The following NUTM1 variants were observed in gnomAD, a reference collection of about 807,000 sequenced individuals.
NUTM1 encodes NUT family member 1.
In NUTM1, 39 loss-of-function variants were observed where a neutral mutation model predicts 88.7. The ratio of observed to expected loss-of-function variants is 0.44; its 90% CI spans 0.34 to 0.57. The LOEUF (loss-of-function observed/expected upper bound fraction) is 0.57, where lower values mean the gene tolerates loss of function less well. NUTM1 is among the 20% of genes least tolerant of loss of function. The pLI is 0.01. For synonymous variants in NUTM1, 494 were observed against 538.0 expected (o/e 0.92, Z 1.13); for missense variants, 1,350 against 1,414.5 (o/e 0.95, Z 0.73).
Position 34,357,149 on chromosome 15 carries a change from C to T in NUTM1, c.3141C>T (p.Asn1047=). The T allele has an allele frequency of 6.2e-7, 1 of 1,614,196 alleles. No homozygotes were observed. Among genetic ancestry groups the T allele is most frequent in the South Asian group, 1.1e-5 (1 of 91,086 alleles). The change falls in exon 8 of 8, where the codon AAC becomes AAT. Residue 1047 remains asparagine (N), a synonymous_variant. Transcript: ENST00000537011. The part of the protein sequence containing the change: ...EAEEEDEELS[N]FAYLLASKLS... ...AGGAAGAGGATGAGGAACTCTCCAA[C>T]TTTGCTTACCTCTTGGCCTCTAAAC... is the stretch of plus-strand genomic sequence containing the variant.
chr15:34,351,212 A>G (rs983404003), intron 4 of NUTM1, among the ~76,000 whole-genome samples: 2 of 106,008 alleles, frequency 1.9e-5, no homozygotes, highest in African/African-American at 7.3e-5. Context: ...TGGGTGACAG[A>G]GCAAGACTCC....
rs958288740 is a variant in NUTM1, at chr15:34,356,436, G to A, written c.2428G>A (p.Glu810Lys). 6.2e-7 allele frequency: 1 copy of A among 1,611,068 alleles called. No individual in the cohort carries two copies. Among genetic ancestry groups the A allele is most frequent in the African/African-American group, 1.3e-5 (1 of 74,812 alleles). Residue 810 changes from glutamate to lysine, a missense_variant, in exon 8 of 8, where the codon GAG becomes AAG. Coordinates refer to ENST00000537011, the MANE Select transcript of NUTM1 (RefSeq NM_001284292.2). ...AGAAACCCTAGTACCTGGGGATACG[G>A]AGAGCAGTGTGATTCCCTGTGGAGG... ...PGETLVPGDT[E>K]SSVIPCGGTV... is the part of the protein sequence containing the mutation.
At chr15:34,344,744 A>G (rs1463729746) in intron 1 of NUTM1, among the ~76,000 whole-genome samples, 1 of 151,954 alleles carries the variant, frequency 6.6e-6, no homozygotes, top group Non-Finnish European at 1.5e-5. Flanking sequence ...AAGGCCGGGC[A>G]CGGTGGCTCA....
chr15:34,347,277 A>G (rs997147769), intron 2 of NUTM1, among the ~76,000 whole-genome samples: 2 of 138,052 alleles, frequency 1.4e-5, no homozygotes, highest in African/African-American at 2.6e-5. Context: ...TTTTTTTTTG[A>G]GACAGAGTTT....
At chr15:34,353,298 G>A (rs143771094) in intron 4 of NUTM1, among the ~76,000 whole-genome samples, 11 of 152,180 alleles carry the variant, frequency 7.2e-5, no homozygotes, top group East Asian at 5.8e-4. Context: ...GAGCTCAAGC[G>A]ATCCTCCCAC....
At chr15:34,354,854 T>C in intron 6 of NUTM1, 122 bp downstream of exon 6, 1 of 1,069,240 alleles carries the variant, frequency 9.4e-7, no homozygotes, top group South Asian at 1.3e-5. Flanking sequence ...CTGAGTAATG[T>C]GTGTGCATGC....
In NUTM1 at chr15:34,348,245, C is replaced by T. The variant is rs761012005; in HGVS notation, c.377C>T (p.Ser126Leu). 6.2e-7 allele frequency: 1 copy of T among 1,614,250 alleles called. No individual in the cohort carries two copies. The highest frequency in any genetic ancestry group is 1.1e-5 in the South Asian group (1 of 91,082). ...VIVKVKTEGG[S>L]AEPSQTQNFI... is the part of the protein sequence containing the mutation. ...GTCAAAGTCAAGACAGAAGGGGGGTCAGCTGAGCCCTCTCAAACTCAGAAC... is the reference window on the plus strand; with the variant it reads ...GTCAAAGTCAAGACAGAAGGGGGGTTAGCTGAGCCCTCTCAAACTCAGAAC... The change falls in exon 3 of 8, where the codon TCA (serine) becomes TTA (leucine). Residue 126 changes from serine (S) to leucine (L), a missense_variant. Transcript: ENST00000537011.
rs1890528561 is a variant in NUTM1 at position 34,343,685 on chromosome 15, G to T, written c.-12G>T. On this transcript the variant is annotated 5_prime_UTR_variant, in exon 1 of 8. Coordinates refer to ENST00000537011, the MANE Select transcript of NUTM1 (RefSeq NM_001284292.2). ...AAGTTAGGTCCCTACCGCAAATTCA[G>T]CGCTCTTTCTTATGGTGGTGAGTAG... 1 of 1,533,966 alleles carries T rather than the reference G, an allele frequency of 6.5e-7. No individual in the cohort carries two copies. The highest frequency in any genetic ancestry group is 8.7e-7 in the Non-Finnish European group (1 of 1,145,492).
chr15:34,355,183 T>A lies in NUTM1; in HGVS notation c.1479+46T>A, dbSNP rs1452907209. 3.2e-6 allele frequency: 4 copies of A among 1,256,262 alleles called. No individual in the cohort carries two copies. The highest frequency in any genetic ancestry group is 4.7e-6 in the Non-Finnish European group (4 of 854,996). 77.8% of individuals were successfully genotyped at this position (1,256,262 alleles called of 1,614,324 possible). On this transcript the variant is annotated intron_variant, in intron 7 of 7. Transcript: ENST00000537011. This position sits in a 1 kb window ranked among gnomAD's most constrained non-coding sequence, Gnocchi z 4.3. ...ATATGAGAACGAGAAGCTTGCAAGA[T>A]TTTATCTAACCCTACACTGTCGTGG...
At chr15:34,354,374 G>A (rs1890760326) in intron 5 of NUTM1, 72 bp from the exon 6 acceptor site, 6 of 1,480,062 alleles carry the variant, frequency 4.1e-6, no homozygotes, top group Non-Finnish European at 5.6e-6. Flanking sequence ...TTACCTTAGT[G>A]TACATTCCGA....
At chr15:34,353,933 A>T (rs1432326140) in intron 5 of NUTM1, 61 bp downstream of exon 5, 2 of 1,569,754 alleles carry the variant, frequency 1.3e-6, no homozygotes. Flanking sequence ...TGCATACAGA[A>T]GCCAGTCACA....
At position 34,353,734 on chromosome 15, in the gene NUTM1, A is replaced by G. The variant is rs769630844; in HGVS notation, c.939-2A>G. The G allele has an allele frequency of 6.2e-7, 1 of 1,613,952 alleles. No individual in the cohort carries two copies. Among genetic ancestry groups the G allele is most frequent in the Non-Finnish European group, 8.5e-7 (1 of 1,180,010 alleles). On this transcript the variant is annotated splice_acceptor_variant, in intron 4 of 7. Coordinates refer to ENST00000537011, the MANE Select transcript of NUTM1 (RefSeq NM_001284292.2). LOFTEE classifies it high-confidence loss of function. ...TGCCTATGCCTTTCTCACCCTCTGCAGGTTCATGGAGTTTGAGGCTGAGGA... is the reference window on the plus strand; with the variant it reads ...TGCCTATGCCTTTCTCACCCTCTGCGGGTTCATGGAGTTTGAGGCTGAGGA...
Position 34,343,400 on chromosome 15 carries a change from C to A in NUTM1, c.-297C>A. 1.6e-6 allele frequency: 1 copy of A among 618,048 alleles called. No individual in the cohort carries two copies. Among genetic ancestry groups the A allele is most frequent in the Non-Finnish European group, 2.8e-6 (1 of 354,542 alleles). The allele number at this position is 618,048 out of a possible 1,614,324, so 38.3% of individuals were successfully genotyped here. A position where few individuals can be genotyped will look rare whatever the true frequency, so the allele number is the denominator to read the frequency against. On this transcript the variant is annotated 5_prime_UTR_variant, in exon 1 of 8. Coordinates refer to ENST00000537011, the MANE Select transcript of NUTM1 (RefSeq NM_001284292.2). ...GACGTATAGAAGCCTGTCTTTGTCT[C>A]AAGATACACACCCATTTCAGGAGCA... is the stretch of plus-strand genomic sequence containing the variant.
In NUTM1 at chr15:34,356,306, A is replaced by T. The variant is rs755197477; in HGVS notation, c.2298A>T (p.Gln766His). The T allele has an allele frequency of 6.2e-7, 1 of 1,613,806 alleles. No homozygotes were observed. ...CTGTAGGCTTGGAGCTGCCTGTACAAATAGAGGAGGTCATAGAGAGCTTCC... is the reference window on the plus strand; with the variant it reads ...CTGTAGGCTTGGAGCTGCCTGTACATATAGAGGAGGTCATAGAGAGCTTCC... ...MDAVGLELPV[Q>H]IEEVIESFQV... Residue 766 changes from glutamine (Q) to histidine (H), a missense_variant, in exon 8 of 8, where the codon CAA (glutamine) becomes CAT (histidine). By Grantham distance (24) the Gln-to-His change is conservative. Transcript: ENST00000537011.
rs189045779 is a variant in NUTM1, at chr15:34,344,269, T to A, written c.6+567T>A. Among the ~76,000 whole-genome samples the A allele has an allele frequency of 2.2e-3, 335 of 149,024 alleles. 1 individual carries two copies. The highest frequency in any genetic ancestry group is 8.3e-3 in the African/African-American group (333 of 40,354). ...GGCTCACGCCTGTAATCCCAGCACTTTGGGAGGCTGAGACGGGTGGATCAC... is the reference window on the plus strand; with the variant it reads ...GGCTCACGCCTGTAATCCCAGCACTATGGGAGGCTGAGACGGGTGGATCAC... On this transcript the variant is annotated intron_variant, in intron 1 of 7. Transcript: ENST00000537011.
Position 34,355,008 on chromosome 15 carries a change from TTC to T in NUTM1, c.1363-11_1363-10del, listed in dbSNP as rs1470657866. 1.3e-6 allele frequency: 2 copies of T among 1,592,302 alleles called. No homozygotes were observed. Among genetic ancestry groups the T allele is most frequent in the South Asian group, 2.2e-5 (2 of 90,560 alleles). Reference sequence around the variant, plus strand: ...GCTTACAGACTTACATCGCTTTTCCTTCTGTTATCCAGGTGGAGGCTGTCATT... The same window carrying T: ...GCTTACAGACTTACATCGCTTTTCCTTGTTATCCAGGTGGAGGCTGTCATT... On this transcript the variant is annotated splice_polypyrimidine_tract_variant and intron_variant, in intron 6 of 7. Coordinates refer to ENST00000537011, the MANE Select transcript of NUTM1 (RefSeq NM_001284292.2). This position sits in a 1 kb window ranked among gnomAD's most constrained non-coding sequence, Gnocchi z 4.3.
intron 1 of NUTM1, among the ~76,000 whole-genome samples, chr15:34,345,490 C>T (rs1410412182): frequency 6.6e-6 from 1 of 152,128 alleles, no homozygotes; most frequent in Non-Finnish European, 1.5e-5. Context: ...TTCCCTTGAT[C>T]CTTACGTGTA....
At position 34,355,824 on chromosome 15, in the gene NUTM1, C is replaced by T; in HGVS notation, c.1816C>T (p.Pro606Ser). Reference sequence around the variant, plus strand: ...TGCAGCTCCACAGGGAACTCCGGGACCCTTGGGTGTGGAGAGGAGAGGGTC... The same window carrying T: ...TGCAGCTCCACAGGGAACTCCGGGATCCTTGGGTGTGGAGAGGAGAGGGTC... ...ELAAPQGTPG[P>S]LGVERRGSGK... Residue 606 changes from proline (P) to serine (S), a missense_variant, in exon 8 of 8, where the codon CCC becomes TCC. Around this residue, in one of 5 missense-constraint regions of NUTM1, gnomAD observed 730 missense variants for 728.8 expected, o/e 1.00. Transcript: ENST00000537011. The surrounding 1 kb of genome is among the most constrained non-coding windows in gnomAD (Gnocchi z 4.3). 2 of 1,614,132 alleles carry T rather than the reference C, an allele frequency of 1.2e-6. No homozygotes were observed. The highest frequency in any genetic ancestry group is 1.7e-6 in the Non-Finnish European group (2 of 1,180,038).
At chr15:34,348,774 G>T (rs750697307) in intron 3 of NUTM1, 97 bp downstream of exon 3, 3 of 801,182 alleles carry the variant, frequency 3.7e-6, no homozygotes, top group South Asian at 1.7e-5. Context: ...GACTACTTGA[G>T]GGAAGGTCAT....
Sources: allele counts gnomAD v4.1 joint callset (sites outside exome capture counted in the v4.1 genomes callset), GRCh38; gene constraint gnomAD v4.1.1; regional missense constraint gnomAD v4.1.1; non-coding constraint Gnocchi (gnomAD v3.1); transcripts MANE v1.5; gene names NCBI Gene and HGNC (gene_info 2026-07-23, HGNC 2026-07-21).